The following RBM27 variants were observed in gnomAD, a reference collection of about 807,000 sequenced individuals.
RBM27 encodes RNA binding motif protein 27, also known as RNA-binding protein 27.
A neutral mutation model predicts 135.3 loss-of-function variants in RBM27; 22 were observed. The observed-to-expected ratio is 0.16, with a 90% CI of 0.12 to 0.23. The LOEUF is 0.23. Ranked by LOEUF, RBM27 falls within the 10% of genes least tolerant of loss-of-function variation. The pLI, the probability that RBM27 is intolerant of heterozygous loss-of-function variation, is 1.00. For missense variants in RBM27, 1,009 were observed against 1,281.0 expected, an observed-to-expected ratio of 0.79 and a Z score of 3.24; for synonymous variants, 481 against 442.4, an observed-to-expected ratio of 1.09 and a Z score of -1.10.
At chr5:146,226,644 G>A (rs1412224154) in intron 3 of RBM27, among the ~76,000 whole-genome samples, 2 of 152,024 alleles carry the variant, frequency 1.3e-5, no homozygotes, top group African/African-American at 4.8e-5. Flanking sequence ...GCCTCGCAAA[G>A]TGCTGGGATT....
At chr5:146,204,387 A>G (rs780185499) in intron 1 of RBM27, among the ~76,000 whole-genome samples, 5 of 152,194 alleles carry the variant, frequency 3.3e-5, no homozygotes, top group African/African-American at 4.8e-5. Flanking sequence ...GAAAAATACT[A>G]TGGAGTAGAT....
At chr5:146,244,627 C>T (rs1220924840) in intron 8 of RBM27, among the ~76,000 whole-genome samples, 1 of 151,984 alleles carries the variant, frequency 6.6e-6, no homozygotes, top group East Asian at 1.9e-4. Context: ...CAGCCTCAAC[C>T]TTTCAGGCTC....
At chr5:146,244,883 T>C (rs1016150151) in intron 8 of RBM27, among the ~76,000 whole-genome samples, 8 of 151,430 alleles carry the variant, frequency 5.3e-5, no homozygotes, top group Non-Finnish European at 1.0e-4. Context: ...TTTATTTACC[T>C]TTTTTTTAGA....
chr5:146,228,807 CT>C, intron 3 of RBM27, 138 bp from the exon 4 acceptor site: 1 of 579,324 alleles, frequency 1.7e-6, no homozygotes. Context: ...GAGATGGAGT[CT>C]CCCTGTGTTT....
intron 8 of RBM27, among the ~76,000 whole-genome samples, chr5:146,239,938 G>A (rs1054174636): frequency 1.3e-5 from 2 of 151,852 alleles, no homozygotes; most frequent in African/African-American, 2.4e-5. Flanking sequence ...CACCACACCC[G>A]GCTAATTTTT....
chr5:146,268,573 T>G (rs1321676422), intron 15 of RBM27, among the ~76,000 whole-genome samples: 1 of 152,066 alleles, frequency 6.6e-6, no homozygotes, highest in Non-Finnish European at 1.5e-5. Flanking sequence ...TAGCTGCATG[T>G]CACTTTTTTC....
In RBM27 at chr5:146,261,704, T is replaced by C. The variant is rs1313705271; in HGVS notation, c.2088T>C (p.Ser696=). ...TCCTGCAACAACAGCAAACACTTAG[T>C]CACCTCTCACAGCAGCACCATCACC... is the stretch of plus-strand genomic sequence containing the variant. The part of the protein sequence containing the change: ...QLLLQQQQTL[S]HLSQQHHHLP... The change falls in exon 13 of 21, where the codon AGT becomes AGC. Residue 696 remains serine, a synonymous_variant. Coordinates refer to ENST00000265271, the MANE Select transcript of RBM27 (RefSeq NM_018989.2). The C allele has an allele frequency of 1.2e-6, 2 of 1,614,162 alleles. No homozygotes were observed. The highest frequency in any genetic ancestry group is 1.7e-6 in the Non-Finnish European group (2 of 1,180,018).
At chr5:146,208,114 G>A (rs1374740288) in intron 1 of RBM27, among the ~76,000 whole-genome samples, 3 of 151,650 alleles carry the variant, frequency 2.0e-5, no homozygotes, top group Non-Finnish European at 4.4e-5. Flanking sequence ...CCGCCACTAC[G>A]CCCAGCTAAT....
At chr5:146,283,328 C>T (rs1212992367) in intron 19 of RBM27, among the ~76,000 whole-genome samples, 1 of 151,858 alleles carries the variant, frequency 6.6e-6, no homozygotes, top group Non-Finnish European at 1.5e-5. Flanking sequence ...TTCCTCGAGC[C>T]CAAGAGTTTG....
At chr5:146,219,167 A>G in intron 2 of RBM27, 64 bp downstream of exon 2, 1 of 1,227,824 alleles carries the variant, frequency 8.1e-7, no homozygotes, top group Non-Finnish European at 1.2e-6. Context: ...ACTTCCTGAA[A>G]AGTCTTGGAG....
At chr5:146,263,794 A>T (rs374741986) in intron 14 of RBM27, among the ~76,000 whole-genome samples, 163 bp downstream of exon 14, 2 of 152,088 alleles carry the variant, frequency 1.3e-5, no homozygotes, top group African/African-American at 4.8e-5. Flanking sequence ...TGCTGGTGAA[A>T]TTTTTTTCCT....
At chr5:146,219,809 G>A (rs1429295773) in intron 2 of RBM27, among the ~76,000 whole-genome samples, 1 of 152,164 alleles carries the variant, frequency 6.6e-6, no homozygotes, top group Non-Finnish European at 1.5e-5. Flanking sequence ...TACATACAGT[G>A]TAGTATACTC....
At chr5:146,261,212 C>T (rs1218030543) in intron 12 of RBM27, among the ~76,000 whole-genome samples, 2 of 152,180 alleles carry the variant, frequency 1.3e-5, no homozygotes, top group South Asian at 2.1e-4. Context: ...GTCTTCCTCG[C>T]TTGCAGATGG....
chr5:146,253,028 G>A (rs1757961934), intron 9 of RBM27, among the ~76,000 whole-genome samples: 1 of 152,024 alleles, frequency 6.6e-6, no homozygotes, highest in South Asian at 2.1e-4. Context: ...TCGCTCTGCT[G>A]CCTAGGCTGG....
chr5:146,212,625 A>G (rs1756015476), intron 1 of RBM27, among the ~76,000 whole-genome samples: 1 of 152,192 alleles, frequency 6.6e-6, no homozygotes, highest in African/African-American at 2.4e-5. Context: ...AAGTGCTGGG[A>G]TTACAGGCAT....
intron 9 of RBM27, among the ~76,000 whole-genome samples, chr5:146,252,265 G>A (rs969975019): frequency 6.6e-6 from 1 of 152,114 alleles, no homozygotes; most frequent in East Asian, 1.9e-4. Context: ...GTTTCTTGCC[G>A]ATCATATCCT....
intron 11 of RBM27, among the ~76,000 whole-genome samples, 175 bp downstream of exon 11, chr5:146,258,768 A>ATT (rs376613663): frequency 6.9e-6 from 1 of 145,650 alleles, no homozygotes; most frequent in African/African-American, 2.5e-5. Context: ...AATATTTATA[A>ATT]TTTTTTTTTT....
In RBM27 at chr5:146,275,776, G is replaced by A. The variant is rs73793885; in HGVS notation, c.2988+4102G>A. On this transcript the variant is annotated intron_variant, in intron 19 of 20. Transcript: ENST00000265271. The stretch of plus-strand genomic sequence containing the variant: ...CTTCATCCCTGTTGAAGGGAGGTTC[G>A]GCTAGATACAACAGGAAAAGTTATT... Among the ~76,000 whole-genome samples, 63 of 152,228 alleles carry A rather than the reference G, an allele frequency of 4.1e-4. 1 individual carries two copies. Among genetic ancestry groups the A allele is most frequent in the African/African-American group, 1.5e-3 (61 of 41,542 alleles).
At chr5:146,255,124 A>C (rs1758052220) in intron 10 of RBM27, 32 bp downstream of exon 10, 1 of 1,569,518 alleles carries the variant, frequency 6.4e-7, no homozygotes, top group African/African-American at 1.4e-5. Flanking sequence ...TCTGATGCTA[A>C]GTGTTATGCA....
Sources: gnomAD v4.1 joint callset for allele counts (sites outside exome capture counted in the v4.1 genomes callset) on GRCh38, gnomAD v4.1.1 for gene constraint, MANE v1.5 for transcripts, NCBI Gene and HGNC (gene_info 2026-07-23, HGNC 2026-07-21) for gene names.